Variants in DLG2 observed in about 807,000 individuals in gnomAD.
The protein encoded by DLG2 is discs large MAGUK scaffold protein 2, also known as disks large homolog 2.
In DLG2, 45 loss-of-function variants were observed where a neutral mutation model predicts 132.5. That is an observed-to-expected ratio of 0.34 (90% CI 0.27 to 0.44). The LOEUF is 0.44. Ranked by LOEUF, DLG2 falls within the 20% of genes least tolerant of loss-of-function variation. DLG2 has a pLI of 1.00. For missense variants in DLG2, 1,045 were observed against 1,196.9 expected, an observed-to-expected ratio of 0.87 and a Z score of 1.87; for synonymous variants, 424 against 419.6, an observed-to-expected ratio of 1.01 and a Z score of -0.13.
intron 15 of DLG2, among the ~76,000 whole-genome samples, chr11:83,880,592 GAC>G (rs1320509590): frequency 1.3e-5 from 2 of 152,138 alleles, no homozygotes; most frequent in Non-Finnish European, 2.9e-5. Context: ...TTCAAAAATA[GAC>G]AGACTCTGGT....
At chr11:84,962,039 C>A (rs989439132) in intron 6 of DLG2, among the ~76,000 whole-genome samples, 1 of 152,190 alleles carries the variant, frequency 6.6e-6, no homozygotes, top group African/African-American at 2.4e-5. Context: ...AAATTGAGAA[C>A]AACAAGAATT....
chr11:84,861,909 C>A (rs1253041602), intron 6 of DLG2, among the ~76,000 whole-genome samples: 1 of 151,634 alleles, frequency 6.6e-6, no homozygotes, highest in East Asian at 2.0e-4. Context: ...AATTGGAAAT[C>A]ATCATTCTCA....
chr11:83,560,777 A>G (rs755429337), intron 19 of DLG2, among the ~76,000 whole-genome samples: 2 of 152,148 alleles, frequency 1.3e-5, no homozygotes, highest in Non-Finnish European at 2.9e-5. Flanking sequence ...GGAAAAAACT[A>G]TTTCCCACCA....
chr11:85,420,904 C>T (rs1270741122), intron 3 of DLG2, among the ~76,000 whole-genome samples: 1 of 152,224 alleles, frequency 6.6e-6, no homozygotes, highest in East Asian at 1.9e-4. Flanking sequence ...AGCTAGACCA[C>T]TTGGCTTCCT....
At chr11:84,487,859 T>C (rs557836039) in intron 7 of DLG2, among the ~76,000 whole-genome samples, 4 of 152,194 alleles carry the variant, frequency 2.6e-5, no homozygotes, top group African/African-American at 7.2e-5. Context: ...AAGAACCAGT[T>C]GGGGCGAAAG....
intron 6 of DLG2, among the ~76,000 whole-genome samples, chr11:84,735,305 C>G (rs904602055): frequency 6.6e-6 from 1 of 152,136 alleles, no homozygotes; most frequent in African/African-American, 2.4e-5. Context: ...ATTATTGCCT[C>G]AATTTCAGAT....
At chr11:84,544,627 TG>T (rs2099385965) in intron 6 of DLG2, among the ~76,000 whole-genome samples, 1 of 152,224 alleles carries the variant, frequency 6.6e-6, no homozygotes, top group Non-Finnish European at 1.5e-5. Flanking sequence ...ACTTGCTATC[TG>T]GGAGACATCT....
rs543708864 is a variant in DLG2, at chr11:85,109,400, T to C, written c.357+2261A>G. Among the ~76,000 whole-genome samples the C allele has an allele frequency of 2.6e-5, 4 of 152,256 alleles. No homozygotes were observed. The East Asian group carries it at 7.7e-4, about 29-fold the overall frequency. ...GAATAAGACTTTAATGCTGGCGCTC[T>C]GACTTGTGATCTTCAGGAAGAGTCT... On this transcript the variant is annotated intron_variant, in intron 6 of 27. Transcript: ENST00000376104.
At chr11:85,466,882 T>A (rs2092809799) in intron 3 of DLG2, among the ~76,000 whole-genome samples, 2 of 152,168 alleles carry the variant, frequency 1.3e-5, no homozygotes, top group Admixed American at 1.3e-4. Context: ...TGGCATTGAA[T>A]CTATTAATTA....
intron 7 of DLG2, among the ~76,000 whole-genome samples, chr11:84,280,481 C>G (rs530337621): frequency 3.0e-4 from 46 of 151,840 alleles, no homozygotes; most frequent in Non-Finnish European, 5.1e-4. Flanking sequence ...GTTGGCTAGG[C>G]TGGTCTCAAA....
intron 6 of DLG2, among the ~76,000 whole-genome samples, chr11:84,768,389 T>G (rs1463873989): frequency 6.6e-6 from 1 of 152,174 alleles, no homozygotes; most frequent in Non-Finnish European, 1.5e-5. Context: ...TAGTATTGTT[T>G]TTTCATAAAT....
At chr11:84,543,539 C>A (rs541315944) in intron 6 of DLG2, among the ~76,000 whole-genome samples, 2 of 152,298 alleles carry the variant, frequency 1.3e-5, no homozygotes, top group African/African-American at 4.8e-5. Flanking sequence ...GCCCCTCTCC[C>A]CATGGGGTCA....
intron 15 of DLG2, among the ~76,000 whole-genome samples, chr11:83,922,339 A>C (rs2078112523): frequency 6.6e-6 from 1 of 152,072 alleles, no homozygotes; most frequent in Non-Finnish European, 1.5e-5. Context: ...CTGGGAGTCA[A>C]TTAATCTCTC....
intron 10 of DLG2, among the ~76,000 whole-genome samples, chr11:84,062,417 A>C (rs1305367062): frequency 6.6e-6 from 1 of 152,234 alleles, no homozygotes; most frequent in Non-Finnish European, 1.5e-5. Context: ...GGAGATGTGT[A>C]CATTGTAACC....
intron 21 of DLG2, among the ~76,000 whole-genome samples, chr11:83,504,664 T>G (rs2094601888): frequency 6.6e-6 from 1 of 152,084 alleles, no homozygotes; most frequent in South Asian, 2.1e-4. Context: ...GCCAGCAGAA[T>G]GTAATGTTGT....
chr11:85,015,031 G>T (rs7127990), intron 6 of DLG2, among the ~76,000 whole-genome samples: 107,291 of 151,936 alleles, frequency 0.71, 38,889 homozygotes, highest in East Asian at 0.91. Flanking sequence ...TGTATTTTAA[G>T]CCTCCCCTCT....
At chr11:84,110,454 G>T (rs1435596130) in intron 9 of DLG2, among the ~76,000 whole-genome samples, 3 of 152,146 alleles carry the variant, frequency 2.0e-5, no homozygotes, top group Admixed American at 2.0e-4. Context: ...GGCTGTACTA[G>T]TCCAAGTCCT....
At chr11:84,373,639 G>C (rs1349283687) in intron 7 of DLG2, among the ~76,000 whole-genome samples, 1 of 151,990 alleles carries the variant, frequency 6.6e-6, no homozygotes, top group Non-Finnish European at 1.5e-5. Context: ...AATGACTAGT[G>C]AAGGAGGAAA....
At position 84,242,980 on chromosome 11, in the gene DLG2, A is replaced by T. The variant is rs1040950736; in HGVS notation, c.573+8258T>A. The stretch of plus-strand genomic sequence containing the variant: ...CACAAAAATTGGAAGGATAGTTTTG[A>T]TGATTAATTAGGTTCTCTCTCTCTC... On this transcript the variant is annotated intron_variant, in intron 8 of 27. Transcript: ENST00000376104. 5.4e-4 allele frequency among the ~76,000 whole-genome samples: 65 copies of T among 120,134 alleles called. 1 individual carries two copies. The highest frequency in any genetic ancestry group is 1.9e-3 in the African/African-American group (57 of 29,916). The allele number at this position is 120,134 out of a possible 152,430, so 78.8% of individuals were successfully genotyped here.
Sources: allele counts gnomAD v4.1 joint callset (sites outside exome capture counted in the v4.1 genomes callset), GRCh38; gene constraint gnomAD v4.1.1; transcripts MANE v1.5; gene names NCBI Gene and HGNC (gene_info 2026-07-23, HGNC 2026-07-21).